NRXN3: variants seen among roughly 807,000 people sequenced by gnomAD.
NRXN3 encodes the protein neurexin 3.
Under a neutral mutation model 137.6 loss-of-function variants are expected in NRXN3, and 32 were observed. That is an observed-to-expected ratio of 0.23 (90% CI 0.18 to 0.31). NRXN3 has a LOEUF of 0.31. Among genes scored for constraint, NRXN3 ranks in the 10% least tolerant of loss-of-function variants. The pLI is 1.00. For synonymous variants in NRXN3, 798 were observed against 784.5 expected, an observed-to-expected ratio of 1.02 and a Z score of -0.29; for missense variants, 1,574 against 2,062.5, an observed-to-expected ratio of 0.76 and a Z score of 4.59.
At chr14:79,744,200 A>G (rs757823740) in intron 19 of NRXN3, among the ~76,000 whole-genome samples, 1 of 152,198 alleles carries the variant, frequency 6.6e-6, no homozygotes, top group Non-Finnish European at 1.5e-5. Flanking sequence ...CAGAGCTTCA[A>G]TATGTCGTGA....
chr14:79,707,613 A>AATC (rs1458062315), intron 19 of NRXN3, among the ~76,000 whole-genome samples: 3 of 152,176 alleles, frequency 2.0e-5, no homozygotes, highest in Non-Finnish European at 4.4e-5. Context: ...GCTGTCTTAA[A>AATC]TGGGATTATA....
intron 15 of NRXN3, among the ~76,000 whole-genome samples, chr14:79,361,063 G>A (rs1343643911): frequency 2.6e-5 from 4 of 152,186 alleles, no homozygotes; most frequent in African/African-American, 7.2e-5. Flanking sequence ...GATGAAGGCA[G>A]GGTGATTTTT....
intron 4 of NRXN3, among the ~76,000 whole-genome samples, chr14:78,476,515 GT>G (rs1381085889): frequency 4.0e-5 from 6 of 150,990 alleles, no homozygotes; most frequent in Non-Finnish European, 5.9e-5. Flanking sequence ...CTGGGGTCTG[GT>G]TAGAATAATT....
chr14:79,065,460 C>T (rs2099679639), intron 15 of NRXN3, among the ~76,000 whole-genome samples: 1 of 152,020 alleles, frequency 6.6e-6, no homozygotes, highest in Non-Finnish European at 1.5e-5. Context: ...GGCCATGTAG[C>T]CTATGGCAGA....
intron 4 of NRXN3, among the ~76,000 whole-genome samples, chr14:78,630,500 A>G (rs1017736493): frequency 6.6e-6 from 1 of 152,176 alleles, no homozygotes; most frequent in African/African-American, 2.4e-5. Flanking sequence ...GGTGTGGCAT[A>G]GATCCTACAT....
intron 15 of NRXN3, among the ~76,000 whole-genome samples, chr14:79,366,781 C>T (rs923060433): frequency 2.9e-4 from 44 of 152,126 alleles, no homozygotes; most frequent in African/African-American, 8.7e-4. Context: ...ACAGGGAAGG[C>T]ATTTGAATGA....
intron 4 of NRXN3, among the ~76,000 whole-genome samples, chr14:78,382,037 ATTGT>A (rs951574942): frequency 6.6e-6 from 1 of 152,106 alleles, no homozygotes; most frequent in African/African-American, 2.4e-5. Flanking sequence ...TGCTTGTGAT[ATTGT>A]ACTATAGGTT....
At chr14:79,778,570 A>G (rs1283396218) in intron 19 of NRXN3, among the ~76,000 whole-genome samples, 1 of 152,210 alleles carries the variant, frequency 6.6e-6, no homozygotes, top group Non-Finnish European at 1.5e-5. Flanking sequence ...ATTCACATTA[A>G]GTAATGGAGT....
At chr14:79,018,291 AAAAAAG>A (rs1555669050) in intron 15 of NRXN3, among the ~76,000 whole-genome samples, 1,092 of 25,512 alleles carry the variant, frequency 0.043, 263 homozygotes, top group Non-Finnish European at 0.098. Context: ...AAAAAAAAAA[AAAAAAG>A]AGAGAGAGCA....
chr14:78,233,116 C>T (rs1271350169), intron 1 of NRXN3, among the ~76,000 whole-genome samples: 1 of 152,116 alleles, frequency 6.6e-6, no homozygotes, highest in African/African-American at 2.4e-5. Flanking sequence ...TTGGTATGAA[C>T]CTTAGAAGAT....
intron 15 of NRXN3, among the ~76,000 whole-genome samples, chr14:79,321,192 T>C (rs1180202697): frequency 6.6e-6 from 1 of 152,142 alleles, no homozygotes; most frequent in African/African-American, 2.4e-5. Flanking sequence ...GATAAGATGG[T>C]ATCTTTCTTT....
intron 10 of NRXN3, among the ~76,000 whole-genome samples, chr14:78,850,108 T>C (rs759570648): frequency 5.3e-5 from 8 of 151,820 alleles, no homozygotes; most frequent in African/African-American, 1.2e-4. Flanking sequence ...GTAGCTGAGA[T>C]AGAGGCAGTA....
intron 10 of NRXN3, among the ~76,000 whole-genome samples, chr14:78,907,185 TCTTA>T (rs954222827): frequency 9.9e-5 from 15 of 152,104 alleles, no homozygotes; most frequent in African/African-American, 3.4e-4. Context: ...GATTTAGTTT[TCTTA>T]CTTATCATTA....
intron 16 of NRXN3, among the ~76,000 whole-genome samples, chr14:79,615,472 C>G (rs1465139465): frequency 2.0e-5 from 3 of 152,166 alleles, no homozygotes; most frequent in East Asian, 3.9e-4. Context: ...TTTGCTTGTC[C>G]TTTTTGGAAG....
intron 8 of NRXN3, among the ~76,000 whole-genome samples, chr14:78,750,436 A>G (rs1286541410): frequency 2.0e-5 from 3 of 152,172 alleles, no homozygotes; most frequent in Non-Finnish European, 4.4e-5. Context: ...TGGAGGAAAG[A>G]CAGCCAAATT....
intron 2 of NRXN3, among the ~76,000 whole-genome samples, chr14:78,256,660 A>G (rs1316299731): frequency 6.6e-6 from 1 of 152,264 alleles, no homozygotes; most frequent in Non-Finnish European, 1.5e-5. Context: ...GACTTCATTG[A>G]TTAATTTGTT....
At chr14:79,493,399 A>G (rs2096735849) in intron 16 of NRXN3, among the ~76,000 whole-genome samples, 1 of 152,258 alleles carries the variant, frequency 6.6e-6, no homozygotes, top group African/African-American at 2.4e-5. Flanking sequence ...AGCCCAGAAC[A>G]GTGCCTACAG....
chr14:78,760,193 C>T (rs1595591661), intron 8 of NRXN3, among the ~76,000 whole-genome samples: 1 of 151,536 alleles, frequency 6.6e-6, no homozygotes, highest in South Asian at 2.1e-4. Flanking sequence ...TAGGCGCCCA[C>T]CACCACACCT....
chr14:79,692,545 G>T (rs888826439), intron 18 of NRXN3, among the ~76,000 whole-genome samples: 1 of 151,968 alleles, frequency 6.6e-6, no homozygotes, highest in African/African-American at 2.4e-5. Context: ...ATGTATTATG[G>T]CAATTTAACC....
Sources: allele counts gnomAD v4.1 joint callset (sites outside exome capture counted in the v4.1 genomes callset), GRCh38; gene constraint gnomAD v4.1.1; transcripts MANE v1.5; gene names NCBI Gene and HGNC (gene_info 2026-07-23, HGNC 2026-07-21).